Variants in CYP26C1 observed in about 807,000 individuals in gnomAD.
The protein encoded by CYP26C1 is cytochrome P450 26C1.
In CYP26C1, 41 loss-of-function variants were observed where a neutral mutation model predicts 39.1. The ratio of observed to expected loss-of-function variants is 1.05; its 90% CI spans 0.82 to 1.36. The LOEUF (loss-of-function observed/expected upper bound fraction) is 1.36. CYP26C1 is among the 40% of genes most tolerant of loss of function. The pLI, the probability that CYP26C1 is intolerant of heterozygous loss-of-function variation, is 0.00. For synonymous variants in CYP26C1, 362 were observed against 350.8 expected, an observed-to-expected ratio of 1.03 and a Z score of -0.36; for missense variants, 833 against 752.0, an observed-to-expected ratio of 1.11 and a Z score of -1.26.
intron 1 of CYP26C1, 139 bp from the exon 2 acceptor site, chr10:93,061,871 C>G (rs920295303): frequency 3.2e-5 from 25 of 771,822 alleles, no homozygotes; most frequent in Non-Finnish European, 4.8e-5. Flanking sequence ...GAGTAGATAC[C>G]AGGCCCACTG....
chr10:93,067,735 C>T (rs1846845532), intron 5 of CYP26C1, among the ~76,000 whole-genome samples: 1 of 152,214 alleles, frequency 6.6e-6, no homozygotes, highest in Non-Finnish European at 1.5e-5. Flanking sequence ...AACTGCCTTT[C>T]AGCATTTTAA....
intron 4 of CYP26C1, among the ~76,000 whole-genome samples, chr10:93,065,110 G>A (rs1846808048): frequency 6.6e-6 from 1 of 151,994 alleles, no homozygotes; most frequent in Non-Finnish European, 1.5e-5. Context: ...GGTAAGCTTT[G>A]GAATGGCCCC....
rs1385227341 is a variant in CYP26C1, at chr10:93,062,738, AGCCGCGCCGCGCTGGAGCGCTACGT to A, written c.457_481del (p.Ala153CysfsTer109). ...CCCACAGGTCCTGGCGCGCGTGTTCAGCCGCGCCGCGCTGGAGCGCTACGTGCCGCGCCTGCAGGGGGCGCTGCGG... is the reference window on the plus strand; with the variant it reads ...CCCACAGGTCCTGGCGCGCGTGTTCAGCCGCGCCTGCAGGGGGCGCTGCGG... On this transcript the variant is annotated frameshift_variant, in exon 3 of 6. Coordinates refer to ENST00000651965, the MANE Select transcript of CYP26C1 (RefSeq NM_183374.3). LOFTEE classifies it high-confidence loss of function. The A allele has an allele frequency of 7.0e-7, 1 of 1,436,540 alleles. No individual in the cohort carries two copies. The highest frequency in any genetic ancestry group is 2.9e-5 in the Admixed American group (1 of 34,698). 89.0% of individuals were successfully genotyped at this position (1,436,540 alleles called of 1,614,324 possible).
At chr10:93,064,744 G>A (rs1321902650) in intron 4 of CYP26C1, 3 of 1,292,612 alleles carry the variant, frequency 2.3e-6, no homozygotes, top group African/African-American at 3.0e-5. Flanking sequence ...AGCCAGCCTT[G>A]TCAGTAGGAG....
At position 93,060,829 on chromosome 10, in the gene CYP26C1, G is replaced by A; in HGVS notation, c.-435G>A. 4 of 206,308 alleles carry A rather than the reference G, an allele frequency of 1.9e-5. No homozygotes were observed. Among genetic ancestry groups the A allele is most frequent in the Non-Finnish European group, 3.9e-5 (4 of 103,522 alleles). The allele number at this position is 206,308 out of a possible 1,614,324, so 12.8% of individuals were successfully genotyped here. A position where few individuals can be genotyped will look rare whatever the true frequency, so the allele number is the denominator to read the frequency against. ...AAACGACTGGAGGAGGGACAGGTGG[G>A]GCGGGGGTCTGCAGACCAGGTTGGC... is the stretch of plus-strand genomic sequence containing the variant. On this transcript the variant is annotated 5_prime_UTR_variant, in exon 1 of 6. Coordinates refer to ENST00000651965, the MANE Select transcript of CYP26C1 (RefSeq NM_183374.3).
chr10:93,064,900 T>C (rs1846804074), intron 4 of CYP26C1: 1 of 934,948 alleles, frequency 1.1e-6, no homozygotes, highest in African/African-American at 1.8e-5. Context: ...CATTATTCAT[T>C]TTTTCTAGAA....
Position 93,068,598 on chromosome 10 carries a change from C to A in CYP26C1, c.1470C>A (p.Pro490=). The A allele has an allele frequency of 6.3e-7, 1 of 1,598,738 alleles. No individual in the cohort carries two copies. Among genetic ancestry groups the A allele is most frequent in the Non-Finnish European group, 8.5e-7 (1 of 1,173,482 alleles). The change falls in exon 6 of 6, where the codon CCC becomes CCA. Residue 490 remains proline (P), a synonymous_variant. Transcript: ENST00000651965. ...ARWELATPAF[P]AMQTVPIVHP... ...GGGAACTGGCCACACCCGCCTTCCC[C>A]GCCATGCAGACGGTGCCCATCGTGC...
Position 93,068,428 on chromosome 10 carries a change from G to A in CYP26C1, c.1300G>A (p.Gly434Ser), listed in dbSNP as rs747261266. The change falls in exon 6 of 6, where the codon GGC (glycine) becomes AGC (serine). Residue 434 changes from glycine (G) to serine (S), a missense_variant. Physicochemically the swap from Gly to Ser is moderately conservative, Grantham distance 56. Coordinates refer to ENST00000651965, the MANE Select transcript of CYP26C1 (RefSeq NM_183374.3). ...CGAAGGCTTCGATCCAGAGCGCTTC[G>A]GCGCAGCGCGCGAAGATTCCCGGGG... Reference protein sequence around the residue: ...PPEGFDPERFGAAREDSRGAS... With the variant: ...PPEGFDPERFSAAREDSRGAS... 3.7e-6 allele frequency: 6 copies of A among 1,612,166 alleles called. No individual in the cohort carries two copies. The highest frequency in any genetic ancestry group is 4.2e-6 in the Non-Finnish European group (5 of 1,179,584).
chr10:93,068,393 GCAGCCC>G lies in CYP26C1; in HGVS notation c.1266_1271del (p.Ser423_Pro424del), dbSNP rs1316194629. ...ACGCACGAGACGGCTGCGGTGTACC[GCAGCCC>G]TCCCGAAGGCTTCGATCCAGAGCGC... On this transcript the variant is annotated inframe_deletion, in exon 6 of 6. Transcript: ENST00000651965. The G allele has an allele frequency of 1.9e-6, 3 of 1,605,908 alleles. No individual in the cohort carries two copies. In the South Asian group the frequency reaches 3.3e-5, roughly 18 times the overall value.
In CYP26C1 at chr10:93,068,768, C is replaced by T; in HGVS notation, c.*71C>T. ...CACGCAGCGCCACCCATCTGCCGCT[C>T]CCCATTGTAGCGTCGCGCGCCCACT... On this transcript the variant is annotated 3_prime_UTR_variant, in exon 6 of 6. Transcript: ENST00000651965. 6.8e-7 allele frequency: 1 copy of T among 1,460,646 alleles called. No individual in the cohort carries two copies. The highest frequency in any genetic ancestry group is 9.0e-7 in the Non-Finnish European group (1 of 1,107,314). 90.5% of individuals were successfully genotyped at this position (1,460,646 alleles called of 1,614,324 possible).
intron 3 of CYP26C1, chr10:93,063,748 T>G: frequency 4.1e-6 from 4 of 983,090 alleles, no homozygotes; most frequent in Non-Finnish European, 4.8e-6. Flanking sequence ...TTGGCCAAAC[T>G]TATTTTATTG....
chr10:93,062,749 G>T lies in CYP26C1; in HGVS notation c.459G>T (p.Ala153=), dbSNP rs114084223. The change falls in exon 3 of 6, where the codon GCG becomes GCT. Residue 153 remains alanine, a synonymous_variant. Coordinates refer to ENST00000651965, the MANE Select transcript of CYP26C1 (RefSeq NM_183374.3). ...TGGCGCGCGTGTTCAGCCGCGCCGC[G>T]CTGGAGCGCTACGTGCCGCGCCTGC... ...KVLARVFSRA[A]LERYVPRLQG... is the part of the protein sequence containing the mutation. The T allele has an allele frequency of 1.5e-4, 220 of 1,472,442 alleles. No individual in the cohort carries two copies. The African/African-American group carries it at 3.0e-3, about 20-fold the overall frequency. The allele number at this position is 1,472,442 out of a possible 1,614,324, so 91.2% of individuals were successfully genotyped here. A position where few individuals can be genotyped will look rare whatever the true frequency, so the allele number is the denominator to read the frequency against.
Position 93,062,908 on chromosome 10 carries a change from G to C in CYP26C1, c.618G>C (p.Gln206His). The C allele has an allele frequency of 6.2e-7, 1 of 1,605,386 alleles. No individual in the cohort carries two copies. The highest frequency in any genetic ancestry group is 1.1e-5 in the South Asian group (1 of 90,700). The change falls in exon 3 of 6, where the codon CAG (glutamine) becomes CAC (histidine). Residue 206 changes from glutamine to histidine, a missense_variant. Gln to His is a conservative substitution (Grantham distance 24). Transcript: ENST00000651965. Reference sequence around the variant, plus strand: ...TGGGGTTGCGGCTGGACGAGGCGCAGTGCGCCACGCTGGCCCGGACCTTCG... The same window carrying C: ...TGGGGTTGCGGCTGGACGAGGCGCACTGCGCCACGCTGGCCCGGACCTTCG... Reference protein sequence around the residue: ...ILLGLRLDEAQCATLARTFEQ... With the variant: ...ILLGLRLDEAHCATLARTFEQ...
chr10:93,064,980 CCTT>C (rs1837395481), intron 4 of CYP26C1, among the ~76,000 whole-genome samples: 1 of 152,204 alleles, frequency 6.6e-6, no homozygotes, highest in East Asian at 1.9e-4. Context: ...TCACCTCTCT[CCTT>C]CTATGAGCTA....
chr10:93,061,946 G>T, intron 1 of CYP26C1, 64 bp from the exon 2 acceptor site: 1 of 1,487,274 alleles, frequency 6.7e-7, no homozygotes, highest in Non-Finnish European at 9.1e-7. Flanking sequence ...CAGCTGGAAG[G>T]TCTGGGTCAG....
At chr10:93,062,653 C>G (rs1443098851) in intron 2 of CYP26C1, 67 bp from the exon 3 acceptor site, 1 of 1,320,146 alleles carries the variant, frequency 7.6e-7, no homozygotes, top group Non-Finnish European at 9.8e-7. Context: ...GGCCTTCTGG[C>G]TACTCCGGAA....
rs1846864172 is a variant in CYP26C1, at chr10:93,068,954, C to G, written c.*257C>G. The stretch of plus-strand genomic sequence containing the variant: ...TCCGCGCCCAGAGGAAGGAAAATGT[C>G]GTGGGCCAAGCAGGAATGGAGGGAA... On this transcript the variant is annotated 3_prime_UTR_variant, in exon 6 of 6. Coordinates refer to ENST00000651965, the MANE Select transcript of CYP26C1 (RefSeq NM_183374.3). 1.9e-6 allele frequency: 1 copy of G among 519,390 alleles called. No individual in the cohort carries two copies. Among genetic ancestry groups the G allele is most frequent in the Non-Finnish European group, 3.1e-6 (1 of 319,714 alleles). The allele number at this position is 519,390 out of a possible 1,614,324, so 32.2% of individuals were successfully genotyped here.
chr10:93,062,276 C>T (rs1564951306), intron 2 of CYP26C1, 42 bp downstream of exon 2: 2 of 1,482,680 alleles, frequency 1.3e-6, no homozygotes, highest in South Asian at 2.6e-5. Context: ...GTCGGATCCG[C>T]GGTCCCCGGC....
Position 93,061,408 on chromosome 10 carries a change from C to G in CYP26C1, c.145C>G (p.Leu49Val), listed in dbSNP as rs1166853466. 3 of 1,559,892 alleles carry G rather than the reference C, an allele frequency of 1.9e-6. No homozygotes were observed. Residue 49 changes from leucine to valine, a missense_variant, in exon 1 of 6, where the codon CTG (leucine) becomes GTG (valine). Leu to Val is a conservative substitution (Grantham distance 32). Transcript: ENST00000651965. The stretch of plus-strand genomic sequence containing the variant: ...CCGGGACCGGGCCTCCACCCTGCCT[C>G]TGCCCAAGGGCTCCATGGGGTGGCC... ...LSRDRASTLPLPKGSMGWPFF... is the reference protein window; with the variant it reads ...LSRDRASTLPVPKGSMGWPFF...
Sources: gnomAD v4.1 joint callset for allele counts (sites outside exome capture counted in the v4.1 genomes callset) on GRCh38, gnomAD v4.1.1 for gene constraint, MANE v1.5 for transcripts, NCBI Gene and HGNC (gene_info 2026-07-23, HGNC 2026-07-21) for gene names.